The following ZNG1A variants were observed in gnomAD, a reference collection of about 807,000 sequenced individuals.
The protein encoded by ZNG1A is Zn regulated GTPase metalloprotein activator 1A.
the ZNG1A span, chr9:146,249 A>C: frequency 6.6e-7 from 1 of 1,524,056 alleles, no homozygotes; most frequent in Non-Finnish European, 8.9e-7. Context: ...AAAAAATTTT[A>C]TACATAAAAT....
the ZNG1A span, among the ~76,000 whole-genome samples, chr9:136,768 G>A: frequency 5.9e-5 from 9 of 151,746 alleles, no homozygotes; most frequent in Admixed American, 2.6e-4. Context: ...GCTGGGTTCA[G>A]TGGCTCAGGC....
At chr9:158,224 T>C in the ZNG1A span, among the ~76,000 whole-genome samples, 1 of 150,824 alleles carries the variant, frequency 6.6e-6, no homozygotes, top group Non-Finnish European at 1.5e-5. Context: ...AAGAAATATT[T>C]GTTGAATGAA....
the ZNG1A span, chr9:172,374 T>C: frequency 1.4e-5 from 8 of 556,916 alleles, no homozygotes; most frequent in East Asian, 3.1e-5. Context: ...ATATAATAGG[T>C]AAAAAGAAAT....
chr9:129,307 G>C, the ZNG1A span, among the ~76,000 whole-genome samples: 3 of 152,108 alleles, frequency 2.0e-5, no homozygotes, highest in East Asian at 1.9e-4. Context: ...GTGCTTTCTT[G>C]CTTGATAAGA....
At chr9:165,122 T>G in the ZNG1A span, among the ~76,000 whole-genome samples, 2 of 152,188 alleles carry the variant, frequency 1.3e-5, no homozygotes, top group Non-Finnish European at 2.9e-5. Context: ...AGCGTGTCAG[T>G]CTCCAAAACG....
the ZNG1A span, chr9:147,699 ATTTCC>A: frequency 1.3e-5 from 2 of 148,954 alleles, no homozygotes; most frequent in Non-Finnish European, 3.0e-5. Flanking sequence ...TATTAAACAT[ATTTCC>A]TTTTTCACCT....
At chr9:138,124 A>C in the ZNG1A span, among the ~76,000 whole-genome samples, 1 of 152,070 alleles carries the variant, frequency 6.6e-6, no homozygotes, top group Non-Finnish European at 1.5e-5. Context: ...GGAACTAGAA[A>C]AGCAAAATGC....
chr9:145,368 A>G, the ZNG1A span, among the ~76,000 whole-genome samples: 1 of 151,220 alleles, frequency 6.6e-6, no homozygotes, highest in Non-Finnish European at 1.5e-5. Context: ...CTATGCAGCC[A>G]TAAAAAAGGA....
the ZNG1A span, chr9:150,116 GTTTTGTTTT>G: frequency 5.9e-5 from 6 of 101,386 alleles, no homozygotes; most frequent in Admixed American, 2.5e-4. Context: ...CAAATCTCCG[GTTTTGTTTT>G]TTTTTTTTTT....
chr9:133,404 C>T, the ZNG1A span, among the ~76,000 whole-genome samples: 1 of 149,284 alleles, frequency 6.7e-6, no homozygotes, highest in African/African-American at 2.5e-5. Context: ...TAGGTACATA[C>T]AGGCTCATTA....
At chr9:135,747 A>G in the ZNG1A span, among the ~76,000 whole-genome samples, 1 of 117,698 alleles carries the variant, frequency 8.5e-6, no homozygotes. Context: ...TAAATTAGTA[A>G]CAGCAAGTTT....
At chr9:174,177 A>G in the ZNG1A span, among the ~76,000 whole-genome samples, 1 of 151,658 alleles carries the variant, frequency 6.6e-6, no homozygotes, top group Non-Finnish European at 1.5e-5. Flanking sequence ...ACTTTTAGTC[A>G]AATTCACATA....
the ZNG1A span, among the ~76,000 whole-genome samples, chr9:161,035 A>T: frequency 6.6e-6 from 1 of 150,434 alleles, no homozygotes; most frequent in Non-Finnish European, 1.5e-5. Context: ...TTTTCTTCCA[A>T]ACTTTTCAAA....
chr9:121,304 G>A, the ZNG1A span: 1 of 807,564 alleles, frequency 1.2e-6, no homozygotes, highest in African/African-American at 1.8e-5. Context: ...AATGTTAAAT[G>A]TTTTACAGTA....
chr9:161,339 G>A, the ZNG1A span, among the ~76,000 whole-genome samples: 5 of 151,770 alleles, frequency 3.3e-5, no homozygotes, highest in Non-Finnish European at 7.4e-5. Flanking sequence ...ATGGTGGTGT[G>A]CACCTGTAAT....
chr9:163,275 C>A, the ZNG1A span, among the ~76,000 whole-genome samples: 1 of 150,298 alleles, frequency 6.7e-6, no homozygotes, highest in African/African-American at 2.4e-5. Flanking sequence ...TAAAGTAAGA[C>A]AGGAGTGTTT....
chr9:178,682 G>T, the ZNG1A span: 1 of 964,738 alleles, frequency 1.0e-6, no homozygotes, highest in East Asian at 2.6e-5. Flanking sequence ...AGAAGCAAGT[G>T]ACCCAGCCCC....
chr9:167,703 T>C, the ZNG1A span: 1 of 150,162 alleles, frequency 6.7e-6, no homozygotes, highest in Non-Finnish European at 1.5e-5. Flanking sequence ...CTAGGCCAAT[T>C]AATATCCTAC....
At chr9:174,993 T>A in the ZNG1A span, among the ~76,000 whole-genome samples, 1 of 152,044 alleles carries the variant, frequency 6.6e-6, no homozygotes, top group African/African-American at 2.4e-5. Context: ...TAATAAACAT[T>A]AAACAAAGTT....
Sources: gnomAD v4.1 joint callset for allele counts (sites outside exome capture counted in the v4.1 genomes callset) on GRCh38, gnomAD v4.1.1 for gene constraint, MANE v1.5 for transcripts, NCBI Gene and HGNC (gene_info 2026-07-23, HGNC 2026-07-21) for gene names.